SNTG2: variants seen among roughly 807,000 people sequenced by gnomAD.
SNTG2 encodes the protein syntrophin gamma 2, also known as gamma-2-syntrophin.
SNTG2 carries 74 observed loss-of-function variants against 70.9 expected under a neutral mutation model. The observed-to-expected ratio is 1.04, with a 90% CI of 0.86 to 1.27. SNTG2 has a LOEUF of 1.27. SNTG2 is among the 50% of genes most tolerant of loss of function. SNTG2 has a pLI of 0.00. For missense variants in SNTG2, 717 were observed against 690.7 expected, an observed-to-expected ratio of 1.04 and a Z score of -0.43; for synonymous variants, 278 against 273.8, an observed-to-expected ratio of 1.02 and a Z score of -0.15.
intron 11 of SNTG2, among the ~76,000 whole-genome samples, chr2:1,244,102 A>G (rs1398671010): frequency 6.6e-6 from 1 of 151,954 alleles, no homozygotes; most frequent in Non-Finnish European, 1.5e-5. Flanking sequence ...CAGGCAAAAG[A>G]AAAACATCAC....
chr2:1,301,955 G>A (rs1024523180), intron 14 of SNTG2, among the ~76,000 whole-genome samples: 1 of 151,316 alleles, frequency 6.6e-6, no homozygotes, highest in African/African-American at 2.4e-5. Context: ...GTCCTACTGA[G>A]TTTTCTTACT....
At chr2:1,347,118 G>A (rs938247385) in intron 16 of SNTG2, among the ~76,000 whole-genome samples, 8 of 152,166 alleles carry the variant, frequency 5.3e-5, no homozygotes, top group Admixed American at 3.3e-4. Context: ...CTCAGTACTC[G>A]GAACAGGAAG....
At chr2:1,128,384 TA>T (rs1034291025) in intron 4 of SNTG2, among the ~76,000 whole-genome samples, 1 of 152,182 alleles carries the variant, frequency 6.6e-6, no homozygotes. Context: ...TATGAATACA[TA>T]AAAAAATTTG....
At chr2:1,032,777 A>G (rs1383240571) in intron 1 of SNTG2, among the ~76,000 whole-genome samples, 1 of 151,866 alleles carries the variant, frequency 6.6e-6, no homozygotes, top group Non-Finnish European at 1.5e-5. Flanking sequence ...AATGTACCTC[A>G]TTGGTAGATA....
At chr2:1,162,592 C>T (rs867367448) in intron 6 of SNTG2, among the ~76,000 whole-genome samples, 8 of 152,106 alleles carry the variant, frequency 5.3e-5, no homozygotes, top group African/African-American at 7.2e-5. Context: ...CCTCCCACAC[C>T]GCACACTCTG....
chr2:1,151,068 T>A (rs1183857532), intron 6 of SNTG2, among the ~76,000 whole-genome samples: 1 of 152,184 alleles, frequency 6.6e-6, no homozygotes, highest in Non-Finnish European at 1.5e-5. Flanking sequence ...TACCACTGAG[T>A]TGGAAAAGTA....
At chr2:986,097 G>GAGAGAGAGAGAGAC (rs1330439864) in intron 1 of SNTG2, among the ~76,000 whole-genome samples, 13 of 151,884 alleles carry the variant, frequency 8.6e-5, no homozygotes, top group African/African-American at 3.1e-4. Flanking sequence ...GAGAGAGAGA[G>GAGAGAGAGAGAGAC]AGAGAGAGAG....
intron 9 of SNTG2, among the ~76,000 whole-genome samples, chr2:1,230,259 A>G (rs938193366): frequency 1.3e-5 from 2 of 152,250 alleles, no homozygotes; most frequent in African/African-American, 4.8e-5. Context: ...CTGTTGTGTT[A>G]TGATGACCTG....
intron 14 of SNTG2, among the ~76,000 whole-genome samples, chr2:1,292,406 G>A (rs774343928): frequency 1.6e-4 from 24 of 152,116 alleles, no homozygotes; most frequent in Non-Finnish European, 3.2e-4. Flanking sequence ...GGCAGCAGTA[G>A]GCATCCTTGC....
At chr2:1,266,749 A>ATTTTTTT (rs1678757157) in intron 13 of SNTG2, among the ~76,000 whole-genome samples, 2 of 9,230 alleles carry the variant, frequency 2.2e-4, no homozygotes, top group African/African-American at 8.9e-4. Flanking sequence ...TTTCATCTTT[A>ATTTTTTT]TCTTTTTTTT....
intron 13 of SNTG2, among the ~76,000 whole-genome samples, chr2:1,263,639 A>AGCT (rs1678567106): frequency 6.6e-6 from 1 of 152,208 alleles, no homozygotes; most frequent in East Asian, 1.9e-4. Context: ...GAAGCCAGGT[A>AGCT]GCTGCAAAGC....
At chr2:1,277,898 C>G (rs1184844802) in intron 14 of SNTG2, among the ~76,000 whole-genome samples, 1 of 152,218 alleles carries the variant, frequency 6.6e-6, no homozygotes, top group East Asian at 1.9e-4. Flanking sequence ...CGGCCCCACT[C>G]CAGGGTCTCC....
At chr2:1,251,422 GCACACACCACACACCA>G (rs1553372258) in intron 12 of SNTG2, among the ~76,000 whole-genome samples, 2 of 149,898 alleles carry the variant, frequency 1.3e-5, no homozygotes, top group South Asian at 2.2e-4. Context: ...CCACACACAT[GCACACACCACACACCA>G]CACACACCAC....
chr2:1,105,760 G>A (rs572142740), intron 4 of SNTG2, among the ~76,000 whole-genome samples: 4 of 152,252 alleles, frequency 2.6e-5, no homozygotes, highest in East Asian at 1.9e-4. Context: ...AAGCCGAGGT[G>A]CAGGCTGGGC....
At chr2:1,247,176 T>C (rs1677478078) in intron 11 of SNTG2, 151 bp from the exon 12 acceptor site, 2 of 579,232 alleles carry the variant, frequency 3.5e-6, no homozygotes, top group Non-Finnish European at 6.2e-6. Context: ...GTGAACTTGA[T>C]TTGGAAACTT....
intron 2 of SNTG2, 33 bp from the exon 3 acceptor site, chr2:1,098,163 T>G: frequency 6.2e-7 from 1 of 1,609,356 alleles, no homozygotes; most frequent in Non-Finnish European, 8.5e-7. Flanking sequence ...CATTTTAACC[T>G]AAACTTGGTT....
At chr2:1,277,568 TAGTA>T (rs1383896524) in intron 14 of SNTG2, among the ~76,000 whole-genome samples, 10 of 152,202 alleles carry the variant, frequency 6.6e-5, no homozygotes, top group Non-Finnish European at 1.3e-4. Context: ...ACCAAAAAAT[TAGTA>T]AGACTTTTTG....
intron 1 of SNTG2, among the ~76,000 whole-genome samples, chr2:1,003,702 C>T (rs1401284663): frequency 2.6e-5 from 4 of 152,104 alleles, no homozygotes; most frequent in Non-Finnish European, 5.9e-5. Flanking sequence ...CTATGAGTTT[C>T]GGAAGGAGCT....
chr2:1,136,535 A>G (rs34012426), intron 4 of SNTG2, among the ~76,000 whole-genome samples: 54,077 of 152,144 alleles, frequency 0.36, 11,576 homozygotes, highest in Non-Finnish European at 0.48. Context: ...TATGAAAACT[A>G]TAGTTTCAAC....
Sources: allele counts gnomAD v4.1 joint callset (sites outside exome capture counted in the v4.1 genomes callset), GRCh38; gene constraint gnomAD v4.1.1; transcripts MANE v1.5; gene names NCBI Gene and HGNC (gene_info 2026-07-23, HGNC 2026-07-21).